MYOM2: variants seen among roughly 807,000 people sequenced by gnomAD.
MYOM2 encodes myomesin 2.
MYOM2 carries 254 observed loss-of-function variants against 187.6 expected under a neutral mutation model. The observed-to-expected ratio is 1.35, with a 90% confidence interval of 1.22 to 1.50. The LOEUF (loss-of-function observed/expected upper bound fraction) is 1.50, where lower values mean the gene tolerates loss of function less well. MYOM2 is among the 40% of genes most tolerant of loss of function. The pLI is 0.00. For missense variants in MYOM2, 2,796 were observed against 1,924.0 expected, an observed-to-expected ratio of 1.45 and a Z score of -8.48; for synonymous variants, 981 against 753.8, an observed-to-expected ratio of 1.30 and a Z score of -4.94.
intron 2 of MYOM2, 24 bp from the exon 3 acceptor site, chr8:2,052,134 C>G (rs1240922203): frequency 4.3e-6 from 7 of 1,612,520 alleles, no homozygotes; most frequent in Non-Finnish European, 5.9e-6. Context: ...CATGCATCTC[C>G]TAATCGTGTC....
intron 8 of MYOM2, among the ~76,000 whole-genome samples, chr8:2,071,884 T>A (rs11136462): frequency 3.9e-4 from 60 of 152,000 alleles, no homozygotes; most frequent in African/African-American, 1.3e-3. Context: ...CTCTTCCTCC[T>A]CTTCCAAGGG....
rs370619523 is a variant in MYOM2 at position 2,092,416 on chromosome 8, C to G, written c.1899C>G (p.Asp633Glu). ...AGACGTCGGTGGTGGTGCAGTGGGA[C>G]CGACCTAAGCATGAGGAGGACCTGC... ...NTKTSVVVQWDRPKHEEDLLG... is the reference protein window; with the variant it reads ...NTKTSVVVQWERPKHEEDLLG... Residue 633 changes from aspartate (D) to glutamate (E), a missense_variant, in exon 16 of 37, where the codon GAC becomes GAG. By Grantham distance (45) the Asp-to-Glu change is conservative. Transcript: ENST00000262113. 7.4e-6 allele frequency: 12 copies of G among 1,614,142 alleles called. No individual in the cohort carries two copies. Among genetic ancestry groups the G allele is most frequent in the Non-Finnish European group, 9.3e-6 (11 of 1,180,036 alleles).
intron 13 of MYOM2, among the ~76,000 whole-genome samples, chr8:2,084,571 C>G (rs1296283571): frequency 6.6e-6 from 1 of 152,166 alleles, no homozygotes; most frequent in African/African-American, 2.4e-5. Context: ...CCTATAAATT[C>G]AAACAGAAAT....
At position 2,140,760 on chromosome 8, in the gene MYOM2, G is replaced by C. The variant is rs757130433; in HGVS notation, c.3838G>C (p.Gly1280Arg). 1 of 1,613,836 alleles carries C rather than the reference G, an allele frequency of 6.2e-7. No individual in the cohort carries two copies. Among genetic ancestry groups the C allele is most frequent in the Non-Finnish European group, 8.5e-7 (1 of 1,179,918 alleles). ...CTCATCCAGTGAGCATATGAGAATC[G>C]GGGGGAGTGAAGAGATGGCTTGGCT... is the stretch of plus-strand genomic sequence containing the variant. ...KISSSEHMRI[G>R]GSEEMAWLQI... Residue 1280 changes from glycine (G) to arginine (R), a missense_variant, in exon 33 of 37, where the codon GGG becomes CGG. Physicochemically the swap from Gly to Arg is moderately radical, Grantham distance 125 (BLOSUM62 -2). Transcript: ENST00000262113.
chr8:2,108,699 A>T, intron 23 of MYOM2, 87 bp from the exon 24 acceptor site: 1 of 1,295,128 alleles, frequency 7.7e-7, no homozygotes, highest in Non-Finnish European at 1.1e-6. Flanking sequence ...GGGGTTTCCA[A>T]TCTTGCTCGT....
chr8:2,143,548 G>C (rs1285747641), intron 36 of MYOM2, 92 bp downstream of exon 36: 2 of 1,494,958 alleles, frequency 1.3e-6, no homozygotes, highest in African/African-American at 2.8e-5. Context: ...GGAACCCAGT[G>C]AGGGGCTTCT....
intron 31 of MYOM2, among the ~76,000 whole-genome samples, 160 bp downstream of exon 31, chr8:2,124,377 G>C (rs902241755): frequency 1.3e-5 from 2 of 152,174 alleles, no homozygotes; most frequent in Non-Finnish European, 2.9e-5. Flanking sequence ...TGCTGCCGAT[G>C]AAGCTTTTTA....
intron 3 of MYOM2, among the ~76,000 whole-genome samples, chr8:2,053,291 T>C (rs973029680): frequency 2.0e-5 from 3 of 152,222 alleles, no homozygotes; most frequent in Non-Finnish European, 4.4e-5. Flanking sequence ...CATAGGATAA[T>C]TTTGCCATGT....
rs1448933505 is a variant in MYOM2, at chr8:2,069,433, T to G, written c.743-14T>G. On this transcript the variant is annotated splice_polypyrimidine_tract_variant and intron_variant, in intron 7 of 36. Transcript: ENST00000262113. ...TTTTCTCTTTTCTGCTGCACTCACTTTGCTGTCTTGCAGGGTTCCGGGGAG... is the reference window on the plus strand; with the variant it reads ...TTTTCTCTTTTCTGCTGCACTCACTGTGCTGTCTTGCAGGGTTCCGGGGAG... 1.2e-6 allele frequency: 2 copies of G among 1,614,184 alleles called. No homozygotes were observed. The highest frequency in any genetic ancestry group is 1.7e-6 in the Non-Finnish European group (2 of 1,180,010).
intron 31 of MYOM2, among the ~76,000 whole-genome samples, chr8:2,126,430 CACACACTG>C (rs1376767449): frequency 6.9e-6 from 1 of 144,000 alleles, no homozygotes; most frequent in Non-Finnish European, 1.5e-5. Flanking sequence ...CAGACATACA[CACACACTG>C]ACACACACCA....
intron 13 of MYOM2, among the ~76,000 whole-genome samples, chr8:2,083,431 C>CTA (rs1407971317): frequency 6.6e-6 from 1 of 151,842 alleles, no homozygotes; most frequent in Admixed American, 6.6e-5. Flanking sequence ...TTAGCAGTAT[C>CTA]TCATGTGTGC....
intron 14 of MYOM2, among the ~76,000 whole-genome samples, chr8:2,087,332 G>C (rs1157354350): frequency 6.6e-6 from 1 of 152,196 alleles, no homozygotes; most frequent in African/African-American, 2.4e-5. Context: ...GGCGGAAACA[G>C]GAATGGAAAC....
intron 18 of MYOM2, among the ~76,000 whole-genome samples, chr8:2,096,817 G>A (rs1314068062): frequency 6.6e-6 from 1 of 152,202 alleles, no homozygotes; most frequent in Non-Finnish European, 1.5e-5. Context: ...TAGGAAGAGA[G>A]TAATGTTGGC....
rs1429955308 is a variant in MYOM2, at chr8:2,145,311, G to A, written c.*330G>A. ...GGCACCTGGACGTGTGCAGCATGTG[G>A]CGGTCTGTGTGAAGCCACCGTGCTT... On this transcript the variant is annotated 3_prime_UTR_variant, in exon 37 of 37. Transcript: ENST00000262113. 50 of 443,698 alleles carry A rather than the reference G, an allele frequency of 1.1e-4. No individual in the cohort carries two copies. The East Asian group carries it at 2.1e-3, about 19-fold the overall frequency. 27.5% of individuals were successfully genotyped at this position (443,698 alleles called of 1,614,324 possible).
intron 20 of MYOM2, among the ~76,000 whole-genome samples, chr8:2,101,323 A>C (rs1385103022): frequency 1.3e-5 from 2 of 152,234 alleles, no homozygotes; most frequent in African/African-American, 4.8e-5. Flanking sequence ...ACCGCACTCC[A>C]GCCTGGTTGA....
At chr8:2,089,926 A>G in intron 14 of MYOM2, 82 bp from the exon 15 acceptor site, 1 of 1,387,184 alleles carries the variant, frequency 7.2e-7, no homozygotes, top group Non-Finnish European at 1.0e-6. Flanking sequence ...GATAGCGAGA[A>G]CAGAGCATTT....
Position 2,069,505 on chromosome 8 carries a change from G to T in MYOM2, c.793+8G>T, listed in dbSNP as rs747533870. On this transcript the variant is annotated splice_region_variant and intron_variant, in intron 8 of 36. Coordinates refer to ENST00000262113, the MANE Select transcript of MYOM2 (RefSeq NM_003970.4). ...TGGGACTCCCGATTGGATGTAAGTGGGTTTTTGTTTCTTTTCTGTGTGGTG... is the reference window on the plus strand; with the variant it reads ...TGGGACTCCCGATTGGATGTAAGTGTGTTTTTGTTTCTTTTCTGTGTGGTG... The T allele has an allele frequency of 2.4e-5, 38 of 1,614,028 alleles. No individual in the cohort carries two copies. The highest frequency in any genetic ancestry group is 3.3e-5 in the Admixed American group (2 of 60,006).
In MYOM2 at chr8:2,129,252, A is replaced by G. The variant is rs370531874; in HGVS notation, c.3800+20A>G. The G allele has an allele frequency of 4.9e-5, 76 of 1,550,036 alleles. No homozygotes were observed. In the African/African-American group the frequency reaches 8.7e-4, roughly 18 times the overall value. On this transcript the variant is annotated intron_variant, in intron 32 of 36. Transcript: ENST00000262113. ...TCACAAGTAAGTATGACAGCAGCCG[A>G]TGGAGGCCATGCCATAGATGGGGCT...
chr8:2,087,392 G>A (rs1021139719), intron 14 of MYOM2, among the ~76,000 whole-genome samples: 2 of 152,108 alleles, frequency 1.3e-5, no homozygotes, highest in Non-Finnish European at 2.9e-5. Flanking sequence ...GGCCTTCTCT[G>A]GTTATTTGCA....
Sources: gnomAD v4.1 joint callset for allele counts (sites outside exome capture counted in the v4.1 genomes callset) on GRCh38, gnomAD v4.1.1 for gene constraint, MANE v1.5 for transcripts, NCBI Gene and HGNC (gene_info 2026-07-23, HGNC 2026-07-21) for gene names.